The following CMTM4 variants were observed in gnomAD, a reference collection of about 807,000 sequenced individuals.
The protein encoded by CMTM4 is CKLF like MARVEL transmembrane domain containing 4.
A neutral mutation model predicts 19.0 loss-of-function variants in CMTM4; 8 were observed. That is an observed-to-expected ratio of 0.42 (90% confidence interval 0.25 to 0.76). The LOEUF is 0.76. CMTM4 is among the 30% of genes least tolerant of loss of function. The probability of loss-of-function intolerance (pLI) is 0.27; values close to 1 mark genes in which losing one functional copy is unlikely to be tolerated. For synonymous variants in CMTM4, 106 were observed against 121.1 expected (o/e 0.88, Z 0.82); for missense variants, 228 against 290.2 (o/e 0.79, Z 1.56).
At chr16:66,604,820 C>A in the CMTM4 span, 13 of 1,301,902 alleles carry the variant, frequency 1.0e-5, no homozygotes, top group South Asian at 1.6e-4. Flanking sequence ...GGCCCCCAGA[C>A]CCCGACCCCG....
At chr16:66,636,283 T>C in intron 2 of CMTM4, 122 bp downstream of exon 2, 1 of 713,864 alleles carries the variant, frequency 1.4e-6, no homozygotes, top group East Asian at 2.8e-5. Context: ...AGTTGAATTA[T>C]AATAGAATAT....
intron 1 of CMTM4, among the ~76,000 whole-genome samples, chr16:66,639,341 C>G (rs1299956380): frequency 6.6e-6 from 1 of 152,148 alleles, no homozygotes; most frequent in Non-Finnish European, 1.5e-5. Context: ...GAAGGTAACA[C>G]CTACATTCTT....
At chr16:66,649,455 T>TGTCC (rs1567415919) in intron 1 of CMTM4, among the ~76,000 whole-genome samples, 5 of 119,570 alleles carry the variant, frequency 4.2e-5, no homozygotes. Context: ...TCTCTCTATC[T>TGTCC]ATCCATCTAT....
chr16:66,672,110 G>C (rs1156272551), intron 1 of CMTM4, among the ~76,000 whole-genome samples: 2 of 152,042 alleles, frequency 1.3e-5, no homozygotes, highest in Non-Finnish European at 2.9e-5. Flanking sequence ...TGTAGTTTTT[G>C]TCATTAAAAG....
intron 1 of CMTM4, among the ~76,000 whole-genome samples, chr16:66,653,687 C>G (rs1182816690): frequency 6.6e-6 from 1 of 152,142 alleles, no homozygotes; most frequent in Non-Finnish European, 1.5e-5. Flanking sequence ...GCATTCTAGC[C>G]TTTAATTTAA....
At chr16:66,607,337 C>CACCTTTCACAGCTGGCCCT in the CMTM4 span, among the ~76,000 whole-genome samples, 1 of 152,214 alleles carries the variant, frequency 6.6e-6, no homozygotes, top group African/African-American at 2.4e-5. Flanking sequence ...CAGCTGGCCC[C>CACCTTTCACAGCTGGCCCT]ACCTTTCACA....
rs938189037 is a variant in CMTM4 at position 66,620,743 on chromosome 16, G to A, written c.*1315C>T. 2.0e-6 allele frequency: 2 copies of A among 985,662 alleles called. No homozygotes were observed. Among genetic ancestry groups the A allele is most frequent in the African/African-American group, 3.5e-5 (2 of 57,282 alleles). 61.1% of individuals were successfully genotyped at this position (985,662 alleles called of 1,614,324 possible). ...ACACAAAATGTTAGAGCTAAAGTGA[G>A]GTTTGTAAACATTAAAAACAGTTCA... On this transcript the variant is annotated 3_prime_UTR_variant, in exon 4 of 4. Coordinates refer to ENST00000394106, the MANE Select transcript of CMTM4 (RefSeq NM_181521.3).
In CMTM4 at chr16:66,692,591, A is replaced by G. The variant is rs572325275; in HGVS notation, c.186+3749T>C. ...GAATAGCAAGGATCTACAGGTTGCA[A>G]TAGGCCACAAAAAACACCACCAAAA... On this transcript the variant is annotated intron_variant, in intron 1 of 3. Transcript: ENST00000394106. Among the ~76,000 whole-genome samples, 4 of 152,328 alleles carry G rather than the reference A, an allele frequency of 2.6e-5. No homozygotes were observed. In the South Asian group the frequency reaches 6.2e-4, roughly 24 times the overall value.
In CMTM4 at chr16:66,618,832, G is replaced by A; in HGVS notation, c.*3226C>T. 1.0e-6 allele frequency: 1 copy of A among 985,544 alleles called. No homozygotes were observed. Among genetic ancestry groups the A allele is most frequent in the Non-Finnish European group, 1.2e-6 (1 of 829,976 alleles). 61.0% of individuals were successfully genotyped at this position (985,544 alleles called of 1,614,324 possible). ...CAGACACATTCCCTGGCTGCCCACAGGCGTGAGCCTTCCTGCCAGGGGACA... is the reference window on the plus strand; with the variant it reads ...CAGACACATTCCCTGGCTGCCCACAAGCGTGAGCCTTCCTGCCAGGGGACA... On this transcript the variant is annotated 3_prime_UTR_variant, in exon 4 of 4. Transcript: ENST00000394106.
chr16:66,683,199 A>ATATACGTATATATATATATG (rs1567432378), intron 1 of CMTM4, among the ~76,000 whole-genome samples: 2 of 126,290 alleles, frequency 1.6e-5, no homozygotes, highest in Admixed American at 8.6e-5. Flanking sequence ...ATATACATAT[A>ATATACGTATATATATATATG]TATATATATA....
chr16:66,634,821 T>C (rs1302154306), intron 2 of CMTM4, among the ~76,000 whole-genome samples: 5 of 152,070 alleles, frequency 3.3e-5, no homozygotes, highest in Admixed American at 3.3e-4. Context: ...ACTTCACCAA[T>C]GTAGGGCTCT....
At chr16:66,686,609 G>A (rs963993596) in intron 1 of CMTM4, among the ~76,000 whole-genome samples, 1 of 151,368 alleles carries the variant, frequency 6.6e-6, no homozygotes, top group Admixed American at 6.6e-5. Context: ...TTAGCCCTGT[G>A]GTCCAGGAGG....
intron 1 of CMTM4, among the ~76,000 whole-genome samples, chr16:66,642,005 C>T (rs2016104995): frequency 6.6e-6 from 1 of 152,148 alleles, no homozygotes; most frequent in Non-Finnish European, 1.5e-5. Flanking sequence ...TATACACAAC[C>T]ACAATTTAAT....
downstream of CMTM4, among the ~76,000 whole-genome samples, chr16:66,614,084 C>T (rs1317041173): frequency 6.6e-6 from 1 of 152,218 alleles, no homozygotes; most frequent in African/African-American, 2.4e-5. This position sits in a 1 kb window ranked among gnomAD's most constrained non-coding sequence, Gnocchi z 4.9. Flanking sequence ...GTAGCATGCA[C>T]AGTTTACAAT....
At chr16:66,678,899 T>C (rs926999808) in intron 1 of CMTM4, among the ~76,000 whole-genome samples, 12 of 152,092 alleles carry the variant, frequency 7.9e-5, no homozygotes, top group Non-Finnish European at 1.5e-4. Flanking sequence ...GTCCAGGAGT[T>C]CAAGACCAGC....
At chr16:66,656,162 G>T (rs2016394162) in intron 1 of CMTM4, among the ~76,000 whole-genome samples, 1 of 151,804 alleles carries the variant, frequency 6.6e-6, no homozygotes, top group South Asian at 2.1e-4. Flanking sequence ...TAAAATCAAT[G>T]AAAAAAATCC....
At chr16:66,686,366 A>G (rs192607964) in intron 1 of CMTM4, among the ~76,000 whole-genome samples, 177 of 151,980 alleles carry the variant, frequency 1.2e-3, no homozygotes, top group African/African-American at 4.1e-3. Context: ...GTTCGAGACC[A>G]GCCTGGCCAA....
At chr16:66,673,540 T>G (rs1282431284) in intron 1 of CMTM4, among the ~76,000 whole-genome samples, 1 of 152,082 alleles carries the variant, frequency 6.6e-6, no homozygotes, top group Non-Finnish European at 1.5e-5. Flanking sequence ...AATGCCTCAG[T>G]GTGCACACTG....
chr16:66,607,076 CAG>C, the CMTM4 span, among the ~76,000 whole-genome samples: 4 of 152,214 alleles, frequency 2.6e-5, no homozygotes, highest in East Asian at 5.8e-4. Flanking sequence ...AGCCATGTGA[CAG>C]AGTCTTCTCA....
Sources: gnomAD v4.1 joint callset for allele counts (sites outside exome capture counted in the v4.1 genomes callset) on GRCh38, gnomAD v4.1.1 for gene constraint, Gnocchi (gnomAD v3.1) non-coding constraint, MANE v1.5 for transcripts, NCBI Gene and HGNC (gene_info 2026-07-23, HGNC 2026-07-21) for gene names.